Variants in FLNC observed in about 807,000 individuals in gnomAD.
The protein encoded by FLNC is filamin C.
FLNC carries 91 observed loss-of-function variants against 254.3 expected under a neutral mutation model. That is an observed-to-expected ratio of 0.36 (90% CI 0.30 to 0.43). FLNC has a LOEUF of 0.43. Ranked by LOEUF, FLNC falls within the 20% of genes least tolerant of loss-of-function variation. FLNC has a pLI of 1.00. For synonymous variants in FLNC, 1,430 were observed against 1,577.2 expected, an observed-to-expected ratio of 0.91 and a Z score of 2.21; for missense variants, 2,853 against 3,802.6, an observed-to-expected ratio of 0.75 and a Z score of 6.57.
Position 128,857,343 on chromosome 7 carries a change from G to A in FLNC, c.7780+7G>A. On this transcript the variant is annotated splice_region_variant and intron_variant, in intron 46 of 47. Coordinates refer to ENST00000325888, the MANE Select transcript of FLNC (RefSeq NM_001458.5). This position sits in a 1 kb window ranked among gnomAD's most constrained non-coding sequence, Gnocchi z 4.5. Reference sequence around the variant, plus strand: ...TTCAAGGCCAAGGTCACTGGTGAGTGCCAGTTTGGGGGAGGTCCACCCAGC... The same window carrying A: ...TTCAAGGCCAAGGTCACTGGTGAGTACCAGTTTGGGGGAGGTCCACCCAGC... 6.2e-7 allele frequency: 1 copy of A among 1,608,682 alleles called. No homozygotes were observed. The highest frequency in any genetic ancestry group is 1.1e-5 in the South Asian group (1 of 90,910).
In FLNC at chr7:128,854,467, T is replaced by C; in HGVS notation, c.6782T>C (p.Val2261Ala). 6.2e-7 allele frequency: 1 copy of C among 1,608,764 alleles called. No individual in the cohort carries two copies. The highest frequency in any genetic ancestry group is 1.1e-5 in the South Asian group (1 of 90,042). The change falls in exon 41 of 48, where the codon GTG becomes GCG. Residue 2261 changes from valine to alanine, a missense_variant. Coordinates refer to ENST00000325888, the MANE Select transcript of FLNC (RefSeq NM_001458.5). ...CAGGTGACCAGCCCATCGGGCAAGG[T>C]GGAAGCCGCAGAGATCGTCGAGGGC... Reference protein sequence around the residue: ...TAQVTSPSGKVEAAEIVEGED... With the variant: ...TAQVTSPSGKAEAAEIVEGED...
In FLNC at chr7:128,852,962, T is replaced by G. The variant is rs1272022687; in HGVS notation, c.6139T>G (p.Trp2047Gly). The change falls in exon 37 of 48, where the codon TGG becomes GGG. Residue 2047 changes from tryptophan (W) to glycine (G), a missense_variant. By Grantham distance (184) the Trp-to-Gly change is radical. Around this residue, in one of 10 missense-constraint regions of FLNC, gnomAD observed 551 missense variants for 835.0 expected, o/e 0.66. Transcript: ENST00000325888. ...CGGGGACGCCAGCAAGGTGCGGGTC[T>G]GGGGCAAGGGGCTTTCCGAGGGACA... ...EIGDASKVRV[W>G]GKGLSEGHTF... The G allele has an allele frequency of 1.2e-6, 2 of 1,613,460 alleles. No homozygotes were observed. Among genetic ancestry groups the G allele is most frequent in the East Asian group, 4.5e-5 (2 of 44,898 alleles).
rs775049569 is a variant in FLNC, at chr7:128,847,775, G to C, written c.4367G>C (p.Gly1456Ala). The change falls in exon 25 of 48, where the codon GGT becomes GCT. Residue 1456 changes from glycine to alanine, a missense_variant. This residue lies in a region of FLNC where 1,573 missense variants were observed against 1,883.5 expected (regional missense o/e 0.84). Coordinates refer to ENST00000325888, the MANE Select transcript of FLNC (RefSeq NM_001458.5). ...VKCSGPGLGA[G>A]VRARVPQTFT... is the part of the protein sequence containing the mutation. Reference sequence around the variant, plus strand: ...TGCTCAGGGCCAGGGCTGGGGGCTGGTGTCAGGGCCCGGGTTCCTCAGACC... The same window carrying C: ...TGCTCAGGGCCAGGGCTGGGGGCTGCTGTCAGGGCCCGGGTTCCTCAGACC... 33 of 1,613,726 alleles carry C rather than the reference G, an allele frequency of 2.0e-5. No homozygotes were observed. The African/African-American group carries it at 3.7e-4, about 18-fold the overall frequency.
At position 128,855,696 on chromosome 7, in the gene FLNC, C is replaced by T. The variant is rs549799425; in HGVS notation, c.7251+382C>T. On this transcript the variant is annotated intron_variant, in intron 43 of 47. Coordinates refer to ENST00000325888, the MANE Select transcript of FLNC (RefSeq NM_001458.5). Reference sequence around the variant, plus strand: ...GTTTGCACAGAGGGTGTGAGAGGCTCCTCTAAAGGGAATGCCTATGGGCTG... The same window carrying T: ...GTTTGCACAGAGGGTGTGAGAGGCTTCTCTAAAGGGAATGCCTATGGGCTG... 5.9e-5 allele frequency among the ~76,000 whole-genome samples: 9 copies of T among 152,312 alleles called. No individual in the cohort carries two copies. The South Asian group carries it at 1.9e-3, about 32-fold the overall frequency.
At position 128,857,505 on chromosome 7, in the gene FLNC, C is replaced by T. The variant is rs573847475; in HGVS notation, c.7780+169C>T. 1.4e-4 allele frequency among the ~76,000 whole-genome samples: 21 copies of T among 150,694 alleles called. No homozygotes were observed. In the East Asian group the frequency reaches 2.3e-3, roughly 17 times the overall value. On this transcript the variant is annotated intron_variant, in intron 46 of 47. Coordinates refer to ENST00000325888, the MANE Select transcript of FLNC (RefSeq NM_001458.5). The surrounding 1 kb of genome is among the most constrained non-coding windows in gnomAD (Gnocchi z 4.5). Reference sequence around the variant, plus strand: ...ACAGTACACGTTCTGTGGAGTCGGGCATGATCACGTAAAAATGCCATTCTT... The same window carrying T: ...ACAGTACACGTTCTGTGGAGTCGGGTATGATCACGTAAAAATGCCATTCTT...
At position 128,835,175 on chromosome 7, in the gene FLNC, G is replaced by A. The variant is rs1018928424; in HGVS notation, c.353-151G>A. The A allele has an allele frequency of 4.2e-6, 4 of 960,208 alleles. No homozygotes were observed. In the Admixed American group the frequency reaches 6.1e-5, roughly 15 times the overall value. 59.5% of individuals were successfully genotyped at this position (960,208 alleles called of 1,614,324 possible). On this transcript the variant is annotated intron_variant, in intron 1 of 47. Coordinates refer to ENST00000325888, the MANE Select transcript of FLNC (RefSeq NM_001458.5). The surrounding 1 kb of genome is among the most constrained non-coding windows in gnomAD (Gnocchi z 5.3). ...CCATAAAGAACTTGGCATCTGAGTG[G>A]GGCCTCGCAGGAGGGAGAGGGTCAG... is the stretch of plus-strand genomic sequence containing the variant.
intron 26 of FLNC, 101 bp from the exon 27 acceptor site, chr7:128,848,460 C>T: frequency 1.6e-6 from 2 of 1,256,320 alleles, no homozygotes; most frequent in South Asian, 1.2e-5. Context: ...GTCCTCCCTC[C>T]TGCCCATGTC....
chr7:128,854,444 G>A lies in FLNC; in HGVS notation c.6759G>A (p.Gln2253=). The A allele has an allele frequency of 1.9e-6, 3 of 1,610,576 alleles. No individual in the cohort carries two copies. The highest frequency in any genetic ancestry group is 1.7e-6 in the Non-Finnish European group (2 of 1,178,898). Residue 2253 remains glutamine, a synonymous_variant, in exon 41 of 48, where the codon CAG becomes CAA. Coordinates refer to ENST00000325888, the MANE Select transcript of FLNC (RefSeq NM_001458.5). Reference sequence around the variant, plus strand: ...CCAGCTCTCAGGACATGACTGCACAGGTGACCAGCCCATCGGGCAAGGTGG... The same window carrying A: ...CCAGCTCTCAGGACATGACTGCACAAGTGACCAGCCCATCGGGCAAGGTGG... ...GEASSQDMTA[Q]VTSPSGKVEA... is the part of the protein sequence containing the mutation.
chr7:128,855,136 G>T lies in FLNC; in HGVS notation c.7136-63G>T. ...GCCTTTCCTGGGATAAGGCCAGGGT[G>T]GGGAGGCTCCCGCCCTGCCAACCTC... is the stretch of plus-strand genomic sequence containing the variant. On this transcript the variant is annotated intron_variant, in intron 42 of 47. Transcript: ENST00000325888. 9.0e-6 allele frequency: 11 copies of T among 1,228,534 alleles called. No individual in the cohort carries two copies. In the South Asian group the frequency reaches 1.3e-4, roughly 15 times the overall value. The allele number at this position is 1,228,534 out of a possible 1,614,324, so 76.1% of individuals were successfully genotyped here.
In FLNC at chr7:128,831,996, G is replaced by A. The variant is rs570986518; in HGVS notation, c.352+1007G>A. On this transcript the variant is annotated intron_variant, in intron 1 of 47. Coordinates refer to ENST00000325888, the MANE Select transcript of FLNC (RefSeq NM_001458.5). ...CTGGGATTTGCAGGACGAGGTCCTT[G>A]GACGGTGCACCCCACGGCCCCAGGA... Among the ~76,000 whole-genome samples, 5 of 152,170 alleles carry A rather than the reference G, an allele frequency of 3.3e-5. No homozygotes were observed. In the East Asian group the frequency reaches 9.7e-4, roughly 29 times the overall value.
intron 42 of FLNC, 108 bp from the exon 43 acceptor site, chr7:128,855,090 GA>G (rs1808999240): frequency 9.3e-7 from 1 of 1,071,830 alleles, no homozygotes; most frequent in Non-Finnish European, 1.4e-6. Context: ...TCTGCCTCCA[GA>G]TCTGAGCGCT....
At position 128,854,493 on chromosome 7, in the gene FLNC, G is replaced by A. The variant is rs202223616; in HGVS notation, c.6808G>A (p.Glu2270Lys). 7.4e-4 allele frequency: 1,188 copies of A among 1,605,982 alleles called. No individual in the cohort carries two copies. Among genetic ancestry groups the A allele is most frequent in the Non-Finnish European group, 8.8e-4 (1,030 of 1,176,758 alleles). Reference protein sequence around the residue: ...KVEAAEIVEGEDSAYSVRFVP... With the variant: ...KVEAAEIVEGKDSAYSVRFVP... ...GGAAGCCGCAGAGATCGTCGAGGGCGAGGACAGCGCCTACAGCGTGCGCTT... is the reference window on the plus strand; with the variant it reads ...GGAAGCCGCAGAGATCGTCGAGGGCAAGGACAGCGCCTACAGCGTGCGCTT... Residue 2270 changes from glutamate (E) to lysine (K), a missense_variant, in exon 41 of 48, where the codon GAG becomes AAG. Around this residue, in one of 10 missense-constraint regions of FLNC, gnomAD observed 551 missense variants for 835.0 expected, o/e 0.66. Transcript: ENST00000325888.
At chr7:128,850,253 G>C in intron 31 of FLNC, 131 bp from the exon 32 acceptor site, 1 of 956,294 alleles carries the variant, frequency 1.0e-6, no homozygotes, top group Non-Finnish European at 1.7e-6. Flanking sequence ...TGCAGCTGAC[G>C]CACCTCTCCT....
rs1318316375 is a variant in FLNC, at chr7:128,830,718, C to A, written c.81C>A (p.Asp27Glu). The change falls in exon 1 of 48, where the codon GAC (aspartate) becomes GAA (glutamate). Residue 27 changes from aspartate to glutamate, a missense_variant. Around this residue, in one of 10 missense-constraint regions of FLNC, gnomAD observed 13 missense variants for 37.8 expected, o/e 0.34. Coordinates refer to ENST00000325888, the MANE Select transcript of FLNC (RefSeq NM_001458.5). ...ETDEMPSTEK[D>E]LAEDAPWKKI... ...ACGAGATGCCGTCCACGGAGAAGGACCTGGCGGAGGACGCGCCGTGGAAGA... is the reference window on the plus strand; with the variant it reads ...ACGAGATGCCGTCCACGGAGAAGGAACTGGCGGAGGACGCGCCGTGGAAGA... 9 of 1,612,950 alleles carry A rather than the reference C, an allele frequency of 5.6e-6. No individual in the cohort carries two copies. In the African/African-American group the frequency reaches 8.0e-5, roughly 14 times the overall value.
In FLNC at chr7:128,841,452, A is replaced by AACCTCGCCCTTGGCTGTCCCTGCAAACT; in HGVS notation, c.2008-2_2008-1insACCTCGCCCTTGGCTGTCCCTGCAAACT. On this transcript the variant is annotated splice_acceptor_variant, in intron 12 of 47. Transcript: ENST00000325888. LOFTEE classifies it high-confidence loss of function. This position sits in a 1 kb window ranked among gnomAD's most constrained non-coding sequence, Gnocchi z 4.3. ...CAACTCAGCCTTCTTCCCTCCGCAC[A>AACCTCGCCCTTGGCTGTCCCTGCAAACT]GGTGAAGGCCTTTGGGCCTGGCCTG... The AACCTCGCCCTTGGCTGTCCCTGCAAACT allele has an allele frequency of 6.2e-7, 1 of 1,613,826 alleles. No individual in the cohort carries two copies.
chr7:128,842,129 C>A lies in FLNC; in HGVS notation c.2122-102C>A. The A allele has an allele frequency of 1.6e-6, 2 of 1,230,700 alleles. No homozygotes were observed. The highest frequency in any genetic ancestry group is 2.3e-6 in the Non-Finnish European group (2 of 861,400). 76.2% of individuals were successfully genotyped at this position (1,230,700 alleles called of 1,614,324 possible). A position where few individuals can be genotyped will look rare whatever the true frequency, so the allele number is the denominator to read the frequency against. The stretch of plus-strand genomic sequence containing the variant: ...GTGGCTGGTGTGGGGGCGGGAGTGC[C>A]AGTGTTGGGGGTGGGAAAGGAGGCG... On this transcript the variant is annotated intron_variant, in intron 13 of 47. Coordinates refer to ENST00000325888, the MANE Select transcript of FLNC (RefSeq NM_001458.5). The surrounding 1 kb of genome is among the most constrained non-coding windows in gnomAD (Gnocchi z 5.4).
Position 128,847,792 on chromosome 7 carries a change from C to T in FLNC, c.4384C>T (p.Pro1462Ser). 1 of 1,613,784 alleles carries T rather than the reference C, an allele frequency of 6.2e-7. No individual in the cohort carries two copies. Among genetic ancestry groups the T allele is most frequent in the East Asian group, 2.2e-5 (1 of 44,876 alleles). Reference protein sequence around the residue: ...GLGAGVRARVPQTFTVDCSQA... With the variant: ...GLGAGVRARVSQTFTVDCSQA... ...GGGGGCTGGTGTCAGGGCCCGGGTTCCTCAGACCTTCACAGTGGATTGCAG... is the reference window on the plus strand; with the variant it reads ...GGGGGCTGGTGTCAGGGCCCGGGTTTCTCAGACCTTCACAGTGGATTGCAG... The change falls in exon 25 of 48, where the codon CCT (proline) becomes TCT (serine). Residue 1462 changes from proline to serine, a missense_variant. Pro to Ser is a moderately conservative substitution (Grantham distance 74). Transcript: ENST00000325888.
At position 128,842,128 on chromosome 7, in the gene FLNC, C is replaced by T. The variant is rs1252351341; in HGVS notation, c.2122-103C>T. On this transcript the variant is annotated intron_variant, in intron 13 of 47. Coordinates refer to ENST00000325888, the MANE Select transcript of FLNC (RefSeq NM_001458.5). This position sits in a 1 kb window ranked among gnomAD's most constrained non-coding sequence, Gnocchi z 5.4. Reference sequence around the variant, plus strand: ...AGTGGCTGGTGTGGGGGCGGGAGTGCCAGTGTTGGGGGTGGGAAAGGAGGC... The same window carrying T: ...AGTGGCTGGTGTGGGGGCGGGAGTGTCAGTGTTGGGGGTGGGAAAGGAGGC... 8.2e-7 allele frequency: 1 copy of T among 1,221,702 alleles called. No individual in the cohort carries two copies. The highest frequency in any genetic ancestry group is 1.2e-6 in the Non-Finnish European group (1 of 853,770). 75.7% of individuals were successfully genotyped at this position (1,221,702 alleles called of 1,614,324 possible).
Position 128,835,245 on chromosome 7 carries a change from A to G in FLNC, c.353-81A>G. The G allele has an allele frequency of 1.9e-6, 3 of 1,598,426 alleles. 1 individual carries two copies. In the Admixed American group the frequency reaches 5.0e-5, roughly 27 times the overall value. ...CTGACCCCAGAGCTCTGGCCCGAGGAGCTGCGCAGGTGAGGGAGGGTGCTC... is the reference window on the plus strand; with the variant it reads ...CTGACCCCAGAGCTCTGGCCCGAGGGGCTGCGCAGGTGAGGGAGGGTGCTC... On this transcript the variant is annotated intron_variant, in intron 1 of 47. Coordinates refer to ENST00000325888, the MANE Select transcript of FLNC (RefSeq NM_001458.5). This position sits in a 1 kb window ranked among gnomAD's most constrained non-coding sequence, Gnocchi z 5.3.
Sources: allele counts gnomAD v4.1 joint callset (sites outside exome capture counted in the v4.1 genomes callset), GRCh38; gene constraint gnomAD v4.1.1; regional missense constraint gnomAD v4.1.1; non-coding constraint Gnocchi (gnomAD v3.1); transcripts MANE v1.5; gene names NCBI Gene and HGNC (gene_info 2026-07-23, HGNC 2026-07-21).